The following DGKH variants were observed in gnomAD, a reference collection of about 807,000 sequenced individuals.
DGKH encodes the protein DAG kinase eta.
A neutral mutation model predicts 159.3 loss-of-function variants in DGKH; 90 were observed. The observed-to-expected ratio is 0.57, with a 90% confidence interval of 0.48 to 0.67. The LOEUF is 0.67. Ranked by LOEUF, DGKH falls within the 30% of genes least tolerant of loss-of-function variation. The pLI, the probability that DGKH is intolerant of heterozygous loss-of-function variation, is 0.00. For missense variants in DGKH, 1,181 were observed against 1,506.1 expected (o/e 0.78, Z 3.57); for synonymous variants, 536 against 553.8 (o/e 0.97, Z 0.45).
chr13:42,152,689 T>G (rs1346116825), intron 3 of DGKH, among the ~76,000 whole-genome samples: 3 of 151,386 alleles, frequency 2.0e-5, no homozygotes, highest in Non-Finnish European at 4.4e-5. Context: ...TCACCTTCTA[T>G]TTTTGATGCT....
At chr13:42,044,735 A>T (rs138516860), upstream of DGKH, among the ~76,000 whole-genome samples, 38 of 152,364 alleles carry the variant, frequency 2.5e-4, no homozygotes, top group South Asian at 2.5e-3. Context: ...CCTAAAGAAG[A>T]TAAATTTTAG....
At chr13:42,217,895 C>G (rs111306132) in intron 26 of DGKH, among the ~76,000 whole-genome samples, 4 of 152,010 alleles carry the variant, frequency 2.6e-5, no homozygotes, top group African/African-American at 4.8e-5. Context: ...TTAGCCAGGC[C>G]TGGTGGCATG....
chr13:42,116,982 A>G (rs1301305899), intron 1 of DGKH, among the ~76,000 whole-genome samples: 1 of 152,136 alleles, frequency 6.6e-6, no homozygotes, highest in Non-Finnish European at 1.5e-5. Context: ...AGGTTATTGG[A>G]TTCCAGTTGG....
Position 42,230,758 on chromosome 13 carries a change from T to G in DGKH, c.*1570T>G, listed in dbSNP as rs1024936748. 14 of 151,998 alleles carry G rather than the reference T, an allele frequency of 9.2e-5. No homozygotes were observed. The highest frequency in any genetic ancestry group is 3.4e-4 in the African/African-American group (14 of 41,430). The allele number at this position is 151,998 out of a possible 1,614,324, so 9.4% of individuals were successfully genotyped here. A position where few individuals can be genotyped will look rare whatever the true frequency, so the allele number is the denominator to read the frequency against. On this transcript the variant is annotated 3_prime_UTR_variant, in exon 30 of 30. Transcript: ENST00000337343. ...CCTACATACATATAACCTTGTGATA[T>G]GGCATCATTGATATTTTCTAGACAA...
At position 42,071,051 on chromosome 13, in the gene DGKH, C is replaced by A. The variant is rs190035892; in HGVS notation, c.192+22086C>A. The A allele has an allele frequency of 5.2e-3, 6,350 of 1,222,526 alleles. 28 individuals are homozygous for A. Among genetic ancestry groups the A allele is most frequent in the Middle Eastern group, 6.8e-3 (34 of 5,004 alleles). 75.7% of individuals were successfully genotyped at this position (1,222,526 alleles called of 1,614,324 possible). ...AAGTCCATATACGTAGAATCCAGAT[C>A]AAAACCATGAATGTTCATGAGACTT... On this transcript the variant is annotated intron_variant, in intron 1 of 29. Transcript: ENST00000337343.
At chr13:42,050,601 G>A (rs1330893877) in intron 1 of DGKH, among the ~76,000 whole-genome samples, 1 of 152,094 alleles carries the variant, frequency 6.6e-6, no homozygotes, top group East Asian at 1.9e-4. Context: ...CAAAGTTAGG[G>A]ACTTTCCTAA....
At chr13:42,186,633 A>AT (rs1215734992) in intron 13 of DGKH, among the ~76,000 whole-genome samples, 1 of 152,218 alleles carries the variant, frequency 6.6e-6, no homozygotes, top group Non-Finnish European at 1.5e-5. Context: ...CAAAATATCC[A>AT]TATGATGAGT....
intron 1 of DGKH, among the ~76,000 whole-genome samples, chr13:42,124,975 C>T (rs1415869966): frequency 6.6e-6 from 1 of 152,098 alleles, no homozygotes; most frequent in Non-Finnish European, 1.5e-5. Context: ...TGGACTCCGA[C>T]AGCTATAATT....
At chr13:42,174,323 C>T (rs1019823111) in intron 12 of DGKH, among the ~76,000 whole-genome samples, 179 bp downstream of exon 12, 1 of 152,124 alleles carries the variant, frequency 6.6e-6, no homozygotes, top group Admixed American at 6.5e-5. Flanking sequence ...AGAGAAGAAT[C>T]CTGAATCTAG....
intron 12 of DGKH, among the ~76,000 whole-genome samples, chr13:42,176,209 A>T (rs946792856): frequency 3.9e-5 from 6 of 152,328 alleles, no homozygotes; most frequent in Admixed American, 3.3e-4. Flanking sequence ...CATTAATCAA[A>T]TGTTATTAAT....
downstream of DGKH, among the ~76,000 whole-genome samples, chr13:42,245,643 T>C (rs1958575232): frequency 6.6e-6 from 1 of 152,132 alleles, no homozygotes; most frequent in African/African-American, 2.4e-5. Flanking sequence ...TGGAGTGCAG[T>C]GGTGTGATCT....
chr13:42,088,199 A>G (rs1461018490), intron 1 of DGKH, among the ~76,000 whole-genome samples: 1 of 152,192 alleles, frequency 6.6e-6, no homozygotes, highest in Non-Finnish European at 1.5e-5. Flanking sequence ...AAGGCAAAAT[A>G]AATAATTTTG....
intron 1 of DGKH, among the ~76,000 whole-genome samples, chr13:42,040,475 C>T (rs1213177516): frequency 1.3e-5 from 2 of 151,754 alleles, no homozygotes; most frequent in Non-Finnish European, 2.9e-5. Flanking sequence ...CACGTGTGTC[C>T]CGGGCCACCC....
chr13:42,079,014 G>A (rs1013627349), intron 1 of DGKH, among the ~76,000 whole-genome samples: 8 of 146,818 alleles, frequency 5.4e-5, no homozygotes, highest in East Asian at 2.0e-4. Context: ...GGGTTCAAGC[G>A]ATTCTCCTGC....
intron 1 of DGKH, among the ~76,000 whole-genome samples, chr13:42,126,622 C>G (rs1484423531): frequency 5.9e-5 from 9 of 152,238 alleles, no homozygotes; most frequent in Non-Finnish European, 1.3e-4. Context: ...CTACCTCTTA[C>G]AGCTGCATCT....
intron 21 of DGKH, among the ~76,000 whole-genome samples, chr13:42,208,609 A>G (rs1356509660): frequency 6.6e-6 from 1 of 151,910 alleles, no homozygotes; most frequent in Non-Finnish European, 1.5e-5. Flanking sequence ...GATTTCCAAA[A>G]CTTACATGTA....
intron 1 of DGKH, among the ~76,000 whole-genome samples, chr13:42,100,490 C>T (rs575068858): frequency 1.7e-4 from 26 of 152,242 alleles, no homozygotes; most frequent in African/African-American, 6.3e-4. Flanking sequence ...TTCACGAAAC[C>T]GGTCCCTGGT....
chr13:42,220,609 G>A (rs1244904739), intron 28 of DGKH, among the ~76,000 whole-genome samples: 1 of 152,116 alleles, frequency 6.6e-6, no homozygotes, highest in East Asian at 1.9e-4. Context: ...CAAATAAGTA[G>A]GCTTTTATTA....
chr13:42,048,305 C>G (rs1184295877), upstream of DGKH, among the ~76,000 whole-genome samples: 1 of 150,580 alleles, frequency 6.6e-6, no homozygotes, highest in Non-Finnish European at 1.5e-5. The surrounding 1 kb of genome is among the most constrained non-coding windows in gnomAD (Gnocchi z 6.7). Context: ...CCCCAGGGAT[C>G]GGCGTTGCCC....
Sources: gnomAD v4.1 joint callset for allele counts (sites outside exome capture counted in the v4.1 genomes callset) on GRCh38, gnomAD v4.1.1 for gene constraint, Gnocchi (gnomAD v3.1) non-coding constraint, MANE v1.5 for transcripts, NCBI Gene and HGNC (gene_info 2026-07-23, HGNC 2026-07-21) for gene names.